KIF4A: variants seen among roughly 807,000 people sequenced by gnomAD.
KIF4A encodes the protein kinesin family member 4A, also known as chromosome-associated kinesin KIF4A.
KIF4A carries 7 observed loss-of-function variants against 105.9 expected under a neutral mutation model. The ratio of observed to expected loss-of-function variants is 0.07; its 90% CI spans 0.04 to 0.12. The LOEUF (loss-of-function observed/expected upper bound fraction) is 0.12. Among genes scored for constraint, KIF4A ranks in the 10% least tolerant of loss-of-function variants. KIF4A has a pLI of 1.00. For synonymous variants in KIF4A, 281 were observed against 331.3 expected (o/e 0.85, Z 1.65); for missense variants, 558 against 929.2 (o/e 0.60, Z 5.19).
intron 15 of KIF4A, among the ~76,000 whole-genome samples, chrX:70,354,185 C>T (rs1306947949): frequency 8.9e-6 from 1 of 112,825 alleles, no homozygotes; most frequent in African/African-American, 3.2e-5. Context: ...TGTCACATGA[C>T]TTGACAAATG....
intron 7 of KIF4A, among the ~76,000 whole-genome samples, chrX:70,317,361 T>A (rs951989109): frequency 3.6e-5 from 4 of 111,219 alleles, no homozygotes; most frequent in African/African-American, 9.8e-5. Context: ...TACAGAACAT[T>A]GCATAAGTTA....
intron 28 of KIF4A, among the ~76,000 whole-genome samples, chrX:70,410,357 C>G (rs991435393): frequency 4.5e-5 from 5 of 111,901 alleles, no homozygotes; most frequent in African/African-American, 1.6e-4. Context: ...AGCCACATTT[C>G]CTATATGTAC....
At chrX:70,370,063 T>C (rs1818571770) in intron 15 of KIF4A, among the ~76,000 whole-genome samples, 1 of 111,460 alleles carries the variant, frequency 9.0e-6, no homozygotes, top group African/African-American at 3.2e-5. Context: ...TCACATGATA[T>C]ACAGTTTTAT....
chrX:70,326,765 G>T (rs1466980031), intron 7 of KIF4A, among the ~76,000 whole-genome samples: 1 of 111,663 alleles, frequency 9.0e-6, no homozygotes, highest in East Asian at 2.8e-4. Flanking sequence ...TTCCATCTTT[G>T]GGAATCATTT....
intron 10 of KIF4A, among the ~76,000 whole-genome samples, chrX:70,338,808 G>C (rs1341188931): frequency 9.0e-6 from 1 of 111,533 alleles, no homozygotes; most frequent in Non-Finnish European, 1.9e-5. Flanking sequence ...GAATTCAGCC[G>C]GGCGCGGTGG....
intron 15 of KIF4A, among the ~76,000 whole-genome samples, chrX:70,366,041 A>G (rs1427998396): frequency 9.0e-6 from 1 of 111,543 alleles, no homozygotes; most frequent in Admixed American, 9.6e-5. Flanking sequence ...AGAGGTGTTT[A>G]TAGTATTCTC....
At chrX:70,383,191 A>AC (rs1203734046) in intron 18 of KIF4A, among the ~76,000 whole-genome samples, 2 of 110,549 alleles carry the variant, frequency 1.8e-5, no homozygotes, top group Non-Finnish European at 3.8e-5. Flanking sequence ...CATCTCAAAA[A>AC]AAAAAAAAAA....
At chrX:70,306,302 G>A (rs1020361453) in intron 7 of KIF4A, among the ~76,000 whole-genome samples, 1 of 111,257 alleles carries the variant, frequency 9.0e-6, no homozygotes, top group African/African-American at 3.3e-5. Context: ...CTCCAACTTC[G>A]TTCTTGTTCA....
At chrX:70,338,398 A>G (rs1467715015) in intron 10 of KIF4A, among the ~76,000 whole-genome samples, 1 of 112,264 alleles carries the variant, frequency 8.9e-6, no homozygotes, top group African/African-American at 3.2e-5. Flanking sequence ...GTATACATGG[A>G]ATCATAGAGG....
At chrX:70,345,778 G>T (rs1433774747) in intron 13 of KIF4A, among the ~76,000 whole-genome samples, 4 of 111,629 alleles carry the variant, frequency 3.6e-5, no homozygotes, top group African/African-American at 1.3e-4. Flanking sequence ...GTTGGTCAAG[G>T]TTCACAGGTG....
At chrX:70,419,520 C>T in intron 29 of KIF4A, 141 bp from the exon 30 acceptor site, 1 of 696,374 alleles carries the variant, frequency 1.4e-6, no homozygotes, top group African/African-American at 2.1e-5. Flanking sequence ...CTATGACCTC[C>T]CCAAGCAGGG....
intron 7 of KIF4A, among the ~76,000 whole-genome samples, chrX:70,317,665 C>T (rs1191775377): frequency 9.3e-6 from 1 of 107,993 alleles, no homozygotes; most frequent in Non-Finnish European, 1.9e-5. Flanking sequence ...CCTCCTTAGC[C>T]TCCTGAGTAG....
At chrX:70,389,996 C>T (rs1305786197) in intron 20 of KIF4A, among the ~76,000 whole-genome samples, 4 of 112,349 alleles carry the variant, frequency 3.6e-5, no homozygotes, top group Non-Finnish European at 3.8e-5. Flanking sequence ...TTTAGATACA[C>T]GAATGCAGTA....
intron 18 of KIF4A, among the ~76,000 whole-genome samples, chrX:70,379,697 A>G (rs1452853261): frequency 9.1e-6 from 1 of 109,422 alleles, no homozygotes; most frequent in Non-Finnish European, 1.9e-5. Flanking sequence ...AGGCTGAGAC[A>G]CAAGAATTGC....
chrX:70,383,003 G>A (rs745622833), intron 18 of KIF4A, among the ~76,000 whole-genome samples: 4 of 110,233 alleles, frequency 3.6e-5, no homozygotes, highest in South Asian at 3.9e-4. Flanking sequence ...TGACCAACAC[G>A]GAGAAACCCC....
intron 20 of KIF4A, among the ~76,000 whole-genome samples, chrX:70,389,063 A>G (rs1431153356): frequency 9.1e-6 from 1 of 110,454 alleles, no homozygotes; most frequent in East Asian, 2.9e-4. Flanking sequence ...CAGCCTGGGG[A>G]GCAAAGTAAG....
rs761023071 is a variant in KIF4A, at chrX:70,381,625, G to C, written c.2035-4993G>C. Among the ~76,000 whole-genome samples the C allele has an allele frequency of 6.2e-5, 7 of 112,339 alleles. No individual in the cohort carries two copies. In the South Asian group the frequency reaches 1.1e-3, roughly 18 times the overall value. The stretch of plus-strand genomic sequence containing the variant: ...TAGGAATAAATTTAGCAAAAGAAGT[G>C]TAAGACTTGTATACTTGAAAACTAC... On this transcript the variant is annotated intron_variant, in intron 18 of 30. Transcript: ENST00000374403.
Position 70,417,909 on chromosome X carries a change from G to A in KIF4A, c.3277G>A (p.Gly1093Arg), listed in dbSNP as rs972114294. The change falls in exon 29 of 31, where the codon GGA becomes AGA. Residue 1093 changes from glycine to arginine, a missense_variant. Coordinates refer to ENST00000374403, the MANE Select transcript of KIF4A (RefSeq NM_012310.5). ...GCAGTGTTCCTGCAAGGGCTGGTGT[G>A]GAAACAAGCAGTGTGGGTGCAGGAA... is the stretch of plus-strand genomic sequence containing the variant. ...IQGCSCKGWC[G>R]NKQCGCRKQK... The A allele has an allele frequency of 8.3e-7, 1 of 1,209,987 alleles. No individual in the cohort carries two copies. Among genetic ancestry groups the A allele is most frequent in the Non-Finnish European group, 1.1e-6 (1 of 894,314 alleles).
At chrX:70,402,781 T>C (rs1346960848) in intron 23 of KIF4A, 86 bp downstream of exon 23, 2 of 1,053,964 alleles carry the variant, frequency 1.9e-6, no homozygotes, top group Non-Finnish European at 1.3e-6. Context: ...CAAAGTGTTA[T>C]TGCCACTTTT....
Sources: gnomAD v4.1 joint callset for allele counts (sites outside exome capture counted in the v4.1 genomes callset) on GRCh38, gnomAD v4.1.1 for gene constraint, MANE v1.5 for transcripts, NCBI Gene and HGNC (gene_info 2026-07-23, HGNC 2026-07-21) for gene names.